The following TRIM44 variants were observed in gnomAD, a reference collection of about 807,000 sequenced individuals.
TRIM44 encodes tripartite motif containing 44.
In TRIM44, 13 loss-of-function variants were observed where a neutral mutation model predicts 37.4. The ratio of observed to expected loss-of-function variants is 0.35; its 90% CI spans 0.23 to 0.55. The LOEUF is 0.55. TRIM44 is among the 20% of genes least tolerant of loss of function. The pLI is 0.89. For missense variants in TRIM44, 426 were observed against 437.2 expected (o/e 0.97, Z 0.23); for synonymous variants, 175 against 157.2 (o/e 1.11, Z -0.85).
At chr11:35,786,967 G>A (rs907464228) in intron 4 of TRIM44, among the ~76,000 whole-genome samples, 5 of 152,112 alleles carry the variant, frequency 3.3e-5, no homozygotes, top group African/African-American at 1.2e-4. Flanking sequence ...CCATCCTATA[G>A]CTCTCTGTAA....
intron 2 of TRIM44, among the ~76,000 whole-genome samples, chr11:35,712,071 T>G (rs1015320248): frequency 2.0e-5 from 3 of 152,128 alleles, no homozygotes; most frequent in Non-Finnish European, 4.4e-5. Flanking sequence ...TCCCTTGGTG[T>G]GTGGTTTGTT....
rs1020816775 is a variant in TRIM44, at chr11:35,715,593, T to C, written c.748-10331T>C. 5.9e-5 allele frequency among the ~76,000 whole-genome samples: 9 copies of C among 152,158 alleles called. No homozygotes were observed. The East Asian group carries it at 1.7e-3, about 29-fold the overall frequency. ...TTAAGTACCAAAATTTATAGTCTTA[T>C]GAAGAAATATTCTGGCCACAAGTAG... is the stretch of plus-strand genomic sequence containing the variant. On this transcript the variant is annotated intron_variant, in intron 2 of 4. Coordinates refer to ENST00000299413, the MANE Select transcript of TRIM44 (RefSeq NM_017583.6).
chr11:35,777,670 G>A (rs1198715007), intron 4 of TRIM44, among the ~76,000 whole-genome samples: 2 of 152,168 alleles, frequency 1.3e-5, no homozygotes, highest in East Asian at 1.9e-4. Context: ...AAATCTCTCA[G>A]CATTTGCTTC....
At chr11:35,770,883 A>C (rs902385597) in intron 4 of TRIM44, among the ~76,000 whole-genome samples, 7 of 152,200 alleles carry the variant, frequency 4.6e-5, no homozygotes, top group African/African-American at 1.7e-4. Flanking sequence ...ACCGTGTAAG[A>C]GGTACCTTTT....
chr11:35,673,192 G>A (rs1300695729), intron 1 of TRIM44, among the ~76,000 whole-genome samples: 2 of 152,154 alleles, frequency 1.3e-5, no homozygotes, highest in African/African-American at 2.4e-5. Flanking sequence ...ATGTAAGAAT[G>A]AGTTGGTGTG....
At chr11:35,726,186 T>C (rs777757581) in intron 3 of TRIM44, 23 bp downstream of exon 3, 2 of 1,609,190 alleles carry the variant, frequency 1.2e-6, no homozygotes, top group Non-Finnish European at 1.7e-6. Flanking sequence ...CCCATAATTA[T>C]TAGTAGCAAG....
chr11:35,740,142 A>ATT (rs57692958), intron 4 of TRIM44, among the ~76,000 whole-genome samples: 22 of 126,804 alleles, frequency 1.7e-4, no homozygotes, highest in African/African-American at 5.8e-4. Context: ...GCCCAGAGTG[A>ATT]TTTTTTTTTT....
chr11:35,742,347 C>T (rs1032279162), intron 4 of TRIM44, among the ~76,000 whole-genome samples: 1 of 145,504 alleles, frequency 6.9e-6, no homozygotes, highest in Admixed American at 7.1e-5. Context: ...TAAACATTTA[C>T]ATATATTATC....
At chr11:35,749,919 A>G (rs2135529181) in intron 4 of TRIM44, among the ~76,000 whole-genome samples, 1 of 152,336 alleles carries the variant, frequency 6.6e-6, no homozygotes, top group Admixed American at 6.5e-5. Context: ...CTGTTCATCA[A>G]CAAATAGGAG....
chr11:35,807,678 A>G lies in TRIM44; in HGVS notation c.*1293A>G, dbSNP rs1460335582. ...GAGTCATAAGATGACCTATTTTTAT[A>G]TAAAAGTTATATTATAGAATAAAAT... is the stretch of plus-strand genomic sequence containing the variant. On this transcript the variant is annotated 3_prime_UTR_variant, in exon 5 of 5. Transcript: ENST00000299413. 6.6e-6 allele frequency: 1 copy of G among 152,224 alleles called. No homozygotes were observed. Among genetic ancestry groups the G allele is most frequent in the Non-Finnish European group, 1.5e-5 (1 of 68,040 alleles). The allele number at this position is 152,224 out of a possible 1,614,324, so 9.4% of individuals were successfully genotyped here.
At chr11:35,744,242 C>CA (rs1240234511) in intron 4 of TRIM44, among the ~76,000 whole-genome samples, 1 of 151,542 alleles carries the variant, frequency 6.6e-6, no homozygotes, top group African/African-American at 2.4e-5. Flanking sequence ...ATATAAACAA[C>CA]AAAAAAAATT....
chr11:35,721,180 A>G (rs1263313409), intron 2 of TRIM44, among the ~76,000 whole-genome samples: 1 of 152,226 alleles, frequency 6.6e-6, no homozygotes, highest in Non-Finnish European at 1.5e-5. Flanking sequence ...CCGGTATTAC[A>G]GGCATGAGCC....
chr11:35,774,050 G>C (rs1852915158), intron 4 of TRIM44, among the ~76,000 whole-genome samples: 1 of 152,190 alleles, frequency 6.6e-6, no homozygotes, highest in South Asian at 2.1e-4. Flanking sequence ...TCGCCAAACT[G>C]TCTTCCACAA....
intron 4 of TRIM44, among the ~76,000 whole-genome samples, chr11:35,743,424 A>G (rs1852440738): frequency 6.6e-6 from 1 of 152,220 alleles, no homozygotes; most frequent in African/African-American, 2.4e-5. Context: ...TGTTATGGGT[A>G]AATTGCTTTC....
At chr11:35,748,809 C>G (rs1852526517) in intron 4 of TRIM44, among the ~76,000 whole-genome samples, 1 of 152,206 alleles carries the variant, frequency 6.6e-6, no homozygotes, top group African/African-American at 2.4e-5. Context: ...AAGCCCTGAT[C>G]AGGTGAATAA....
At chr11:35,794,999 A>G (rs965575147) in intron 4 of TRIM44, among the ~76,000 whole-genome samples, 76 of 152,362 alleles carry the variant, frequency 5.0e-4, no homozygotes, top group African/African-American at 1.8e-3. Context: ...GGTCCAGGAC[A>G]GCATCTGAAA....
At chr11:35,707,372 G>C (rs1163014382) in intron 2 of TRIM44, among the ~76,000 whole-genome samples, 3 of 151,950 alleles carry the variant, frequency 2.0e-5, no homozygotes, top group Non-Finnish European at 2.9e-5. Flanking sequence ...CCATCCCCAT[G>C]AAGCTACCAA....
chr11:35,663,836 C>T, intron 1 of TRIM44, 56 bp downstream of exon 1: 1 of 1,535,980 alleles, frequency 6.5e-7, no homozygotes, highest in South Asian at 1.3e-5. Flanking sequence ...TGGGTTTCAA[C>T]TCAGGTGGCC....
Position 35,663,245 on chromosome 11 carries a change from C to CCGAGG in TRIM44, c.137_141dup (p.His48ArgfsTer46). The CCGAGG allele has an allele frequency of 6.2e-7, 1 of 1,609,180 alleles. No individual in the cohort carries two copies. Among genetic ancestry groups the CCGAGG allele is most frequent in the Non-Finnish European group, 8.5e-7 (1 of 1,176,280 alleles). On this transcript the variant is annotated frameshift_variant, in exon 1 of 5. Transcript: ENST00000299413. LOFTEE classifies it high-confidence loss of function. ...GGCTTCTGCTACTGCCGCCGCCATGCCGAGGCGCACAGGCAGAAGTTCCTC... is the reference window on the plus strand; with the variant it reads ...GGCTTCTGCTACTGCCGCCGCCATGCCGAGGCGAGGCGCACAGGCAGAAGTTCCTC...
Sources: gnomAD v4.1 joint callset for allele counts (sites outside exome capture counted in the v4.1 genomes callset) on GRCh38, gnomAD v4.1.1 for gene constraint, MANE v1.5 for transcripts, NCBI Gene and HGNC (gene_info 2026-07-23, HGNC 2026-07-21) for gene names.